Variants in SULT1B1 observed in about 807,000 individuals in gnomAD.
SULT1B1 encodes the protein sulfotransferase 1B1.
In SULT1B1, 28 loss-of-function variants were observed where a neutral mutation model predicts 34.6. That is an observed-to-expected ratio of 0.81 (90% CI 0.60 to 1.11). The LOEUF (loss-of-function observed/expected upper bound fraction) is 1.11, where lower values mean the gene tolerates loss of function less well. SULT1B1 is among the 50% of genes least tolerant of loss of function. The pLI is 0.00. For synonymous variants in SULT1B1, 147 were observed against 110.2 expected, an observed-to-expected ratio of 1.33 and a Z score of -2.09; for missense variants, 374 against 352.2, an observed-to-expected ratio of 1.06 and a Z score of -0.50.
chr4:69,748,554 C>A (rs1718843650), intron 4 of SULT1B1, among the ~76,000 whole-genome samples: 2 of 152,094 alleles, frequency 1.3e-5, no homozygotes, highest in Admixed American at 1.3e-4. Flanking sequence ...ATACATCCAC[C>A]TACAAAGAAG....
At chr4:69,730,716 T>C in intron 6 of SULT1B1, 35 bp from the exon 7 acceptor site, 4 of 1,559,798 alleles carry the variant, frequency 2.6e-6, no homozygotes, top group Non-Finnish European at 3.5e-6. Flanking sequence ...AATAAACAAG[T>C]AACTCACACA....
At chr4:69,754,862 T>C in intron 2 of SULT1B1, 64 bp from the exon 3 acceptor site, 1 of 1,545,554 alleles carries the variant, frequency 6.5e-7, no homozygotes. Context: ...GAGAAGAATT[T>C]ATTGGAAACA....
Position 69,727,181 on chromosome 4 carries a change from C to A in SULT1B1, c.798G>T (p.Lys266Asn). The A allele has an allele frequency of 6.2e-7, 1 of 1,610,714 alleles. No individual in the cohort carries two copies. The highest frequency in any genetic ancestry group is 8.5e-7 in the Non-Finnish European group (1 of 1,178,414). ...CATTTTGGGCCACGGTGAAGTAATT[C>A]TTCCAGTCACCAGCCGTCCCTAAAG... ...FMRKGTAGDW[K>N]NYFTVAQNEK... is the part of the protein sequence containing the mutation. The change falls in exon 8 of 8, where the codon AAG becomes AAT. Residue 266 changes from lysine to asparagine, a missense_variant. Physicochemically the swap from Lys to Asn is moderately conservative, Grantham distance 94. Transcript: ENST00000310613.
chr4:69,754,747 A>G lies in SULT1B1; in HGVS notation c.200T>C (p.Ile67Thr), dbSNP rs748629619. 1 of 1,613,244 alleles carries G rather than the reference A, an allele frequency of 6.2e-7. No individual in the cohort carries two copies. Among genetic ancestry groups the G allele is most frequent in the Non-Finnish European group, 8.5e-7 (1 of 1,179,392 alleles). Residue 67 changes from isoleucine (I) to threonine (T), a missense_variant, in exon 3 of 8, where the codon ATT (isoleucine) becomes ACT (threonine). Ile to Thr is a moderately conservative substitution (Grantham distance 89). Transcript: ENST00000310613. Reference protein sequence around the residue: ...IIDMILNDGDIEKCKRGFITE... With the variant: ...IIDMILNDGDTEKCKRGFITE... ...AATAAAACCTCGCTTACATTTTTCA[A>G]TATCTCCATCATTTAGAATCATGTC...
In SULT1B1 at chr4:69,723,709, G is replaced by A. The variant is rs1717723032; in HGVS notation, c.*3379C>T. 1 of 152,140 alleles carries A rather than the reference G, an allele frequency of 6.6e-6. No homozygotes were observed. Among genetic ancestry groups the A allele is most frequent in the African/African-American group, 2.4e-5 (1 of 41,428 alleles). The allele number at this position is 152,140 out of a possible 1,614,324, so 9.4% of individuals were successfully genotyped here. On this transcript the variant is annotated 3_prime_UTR_variant, in exon 8 of 8. Coordinates refer to ENST00000310613, the MANE Select transcript of SULT1B1 (RefSeq NM_014465.4). Reference sequence around the variant, plus strand: ...AGTGGGCTTCATCCCTGGGATTCAAGGCTGGTTCAACATATGCAAATCAAT... The same window carrying A: ...AGTGGGCTTCATCCCTGGGATTCAAAGCTGGTTCAACATATGCAAATCAAT...
At chr4:69,735,343 C>T (rs1346009413) in intron 4 of SULT1B1, among the ~76,000 whole-genome samples, 1 of 152,170 alleles carries the variant, frequency 6.6e-6, no homozygotes, top group East Asian at 1.9e-4. Context: ...GAAAAACCTG[C>T]TCTCCCTGGT....
intron 4 of SULT1B1, among the ~76,000 whole-genome samples, chr4:69,736,025 G>A (rs778230255): frequency 1.3e-5 from 2 of 152,192 alleles, no homozygotes; most frequent in Non-Finnish European, 2.9e-5. Flanking sequence ...GTGGCATGGT[G>A]AGAATCTGTG....
chr4:69,742,536 C>G (rs1478989376), intron 4 of SULT1B1, among the ~76,000 whole-genome samples: 1 of 152,196 alleles, frequency 6.6e-6, no homozygotes, highest in African/African-American at 2.4e-5. Flanking sequence ...ATTACTAATT[C>G]ATTTTCAGGA....
chr4:69,755,311 T>C (rs1719147872), intron 1 of SULT1B1, 50 bp from the exon 2 acceptor site: 8 of 1,402,354 alleles, frequency 5.7e-6, no homozygotes, highest in Non-Finnish European at 6.8e-6. Flanking sequence ...CTAATGTTGG[T>C]CTTAAGACAC....
intron 4 of SULT1B1, among the ~76,000 whole-genome samples, chr4:69,734,825 A>G (rs1578050628): frequency 8.6e-6 from 1 of 116,166 alleles, no homozygotes; most frequent in Non-Finnish European, 1.8e-5. Context: ...CTACTTCGCT[A>G]CTCTTTTTTT....
chr4:69,755,130 T>C lies in SULT1B1; in HGVS notation c.88A>G (p.Lys30Glu), dbSNP rs1427697142. Residue 30 changes from lysine (K) to glutamate (E), a missense_variant, in exon 2 of 8, where the codon AAA becomes GAA. Lys to Glu is a moderately conservative substitution (Grantham distance 56, BLOSUM62 1). Coordinates refer to ENST00000310613, the MANE Select transcript of SULT1B1 (RefSeq NM_014465.4). ...MTCAFASNWE[K>E]IEQFHSRPDD... ...GGTCTGCTATGGAACTGTTCAATTT[T>C]TTCCCAGTTGCTTGCAAAAGCACAG... is the stretch of plus-strand genomic sequence containing the variant. 1.2e-6 allele frequency: 2 copies of C among 1,614,008 alleles called. No homozygotes were observed. The highest frequency in any genetic ancestry group is 2.2e-5 in the South Asian group (2 of 91,086).
intron 4 of SULT1B1, among the ~76,000 whole-genome samples, chr4:69,748,905 T>C (rs181818696): frequency 6.6e-6 from 1 of 151,560 alleles, no homozygotes; most frequent in Admixed American, 6.6e-5. Context: ...TTTTAGAAAA[T>C]AGGAAAGAAA....
intron 4 of SULT1B1, among the ~76,000 whole-genome samples, chr4:69,743,016 C>T (rs959925888): frequency 5.3e-5 from 8 of 152,198 alleles, no homozygotes; most frequent in Admixed American, 1.3e-4. Context: ...AAGAGGGTGT[C>T]ACAACCCTGG....
intron 3 of SULT1B1, among the ~76,000 whole-genome samples, chr4:69,752,258 CAG>C (rs1193577702): frequency 3.9e-5 from 6 of 152,266 alleles, no homozygotes; most frequent in Non-Finnish European, 8.8e-5. Context: ...TGTTTAGAGA[CAG>C]AGTCTTGCTC....
chr4:69,733,577 C>A (rs1458782098), intron 5 of SULT1B1, 70 bp from the exon 6 acceptor site: 9 of 1,171,418 alleles, frequency 7.7e-6, no homozygotes, highest in South Asian at 4.8e-5. Flanking sequence ...AATAGTAAAT[C>A]AAATTGTGAA....
chr4:69,735,357 A>C (rs1199001828), intron 4 of SULT1B1, among the ~76,000 whole-genome samples: 1 of 152,210 alleles, frequency 6.6e-6, no homozygotes, highest in African/African-American at 2.4e-5. Context: ...CCCTGGTCAA[A>C]GGATTAGGAA....
At chr4:69,752,321 A>C (rs931732217) in intron 3 of SULT1B1, among the ~76,000 whole-genome samples, 73 of 152,264 alleles carry the variant, frequency 4.8e-4, no homozygotes, top group Admixed American at 1.9e-3. Flanking sequence ...GTTTCTATGT[A>C]GTTTTGGAAC....
At chr4:69,734,051 T>C in intron 5 of SULT1B1, 87 bp downstream of exon 5, 1 of 1,134,172 alleles carries the variant, frequency 8.8e-7, no homozygotes, top group Non-Finnish European at 1.2e-6. Context: ...ATTGGAAAAA[T>C]AAGTATTTTG....
intron 4 of SULT1B1, among the ~76,000 whole-genome samples, chr4:69,746,689 T>C (rs1258969661): frequency 6.6e-6 from 1 of 152,206 alleles, no homozygotes; most frequent in Non-Finnish European, 1.5e-5. Flanking sequence ...GAATTTTATG[T>C]CTGTCATTTC....
Sources: gnomAD v4.1 joint callset for allele counts (sites outside exome capture counted in the v4.1 genomes callset) on GRCh38, gnomAD v4.1.1 for gene constraint, MANE v1.5 for transcripts, NCBI Gene and HGNC (gene_info 2026-07-23, HGNC 2026-07-21) for gene names.